Variants in ANO2 observed in about 807,000 individuals in gnomAD.
ANO2 encodes anoctamin 2, also known as anoctamin-2.
ANO2 carries 101 observed loss-of-function variants against 124.2 expected under a neutral mutation model. The ratio of observed to expected loss-of-function variants is 0.81; its 90% CI spans 0.69 to 0.96. The LOEUF (loss-of-function observed/expected upper bound fraction) is 0.96, where lower values mean the gene tolerates loss of function less well. Ranked by LOEUF, ANO2 falls within the 40% of genes least tolerant of loss-of-function variation. ANO2 has a pLI of 0.00. For missense variants in ANO2, 1,293 were observed against 1,274.5 expected (o/e 1.01, Z -0.22); for synonymous variants, 486 against 482.5 (o/e 1.01, Z -0.09).
At chr12:5,815,455 T>A (rs1953576082) in intron 7 of ANO2, among the ~76,000 whole-genome samples, 1 of 152,178 alleles carries the variant, frequency 6.6e-6, no homozygotes, top group African/African-American at 2.4e-5. Context: ...CATACGCCTT[T>A]ATGTGGAGAA....
chr12:5,780,543 C>G (rs1196736017), intron 10 of ANO2, among the ~76,000 whole-genome samples: 2 of 152,220 alleles, frequency 1.3e-5, no homozygotes, highest in Non-Finnish European at 2.9e-5. Flanking sequence ...CACATCCTAG[C>G]TCTTAACACA....
At chr12:5,595,002 A>G (rs10849300) in intron 20 of ANO2, among the ~76,000 whole-genome samples, 44,695 of 152,132 alleles carry the variant, frequency 0.29, 6,722 homozygotes, top group Non-Finnish European at 0.33. Context: ...TCCCACTTAC[A>G]GCTGGAAACC....
intron 1 of ANO2, among the ~76,000 whole-genome samples, chr12:5,930,399 A>G (rs890246567): frequency 6.6e-6 from 1 of 152,094 alleles, no homozygotes; most frequent in African/African-American, 2.4e-5. Context: ...TAATGGGGGT[A>G]TAGGGGGAAG....
chr12:5,907,884 G>A (rs1940802842), intron 3 of ANO2, among the ~76,000 whole-genome samples: 1 of 152,202 alleles, frequency 6.6e-6, no homozygotes, highest in Non-Finnish European at 1.5e-5. Context: ...AGCCCAGTGG[G>A]GAAGGCAGCT....
intron 20 of ANO2, among the ~76,000 whole-genome samples, chr12:5,587,310 T>C (rs1000614578): frequency 1.3e-5 from 2 of 152,242 alleles, no homozygotes; most frequent in Non-Finnish European, 2.9e-5. Context: ...CATTTATTTA[T>C]CTGAATGAAA....
chr12:5,812,078 G>A lies in ANO2; in HGVS notation c.893-4710C>T, dbSNP rs545077365. On this transcript the variant is annotated intron_variant, in intron 7 of 24. Coordinates refer to ENST00000682330, the MANE Select transcript of ANO2 (RefSeq NM_001364791.2). ...TAAGGGAGGGGAGGGGAGAAGAGGG[G>A]AGAGGAAGGGATGGGAGGGGAGGGG... Among the ~76,000 whole-genome samples the A allele has an allele frequency of 3.3e-4, 45 of 138,402 alleles. 1 individual carries two copies. The highest frequency in any genetic ancestry group is 1.1e-3 in the African/African-American group (40 of 37,794). The allele number at this position is 138,402 out of a possible 152,430, so 90.8% of individuals were successfully genotyped here. A position where few individuals can be genotyped will look rare whatever the true frequency, so the allele number is the denominator to read the frequency against.
intron 11 of ANO2, among the ~76,000 whole-genome samples, chr12:5,745,569 G>A (rs1951241460): frequency 2.6e-5 from 4 of 152,200 alleles, no homozygotes; most frequent in African/African-American, 7.2e-5. Flanking sequence ...GGATGCCTGG[G>A]TCTCTTTCCC....
chr12:5,713,976 G>C (rs567296525), intron 14 of ANO2, among the ~76,000 whole-genome samples: 11 of 152,290 alleles, frequency 7.2e-5, no homozygotes, highest in Admixed American at 2.0e-4. Flanking sequence ...GACAGAAGGA[G>C]AGATGTTAAA....
At chr12:5,644,451 C>T (rs1006155297) in intron 15 of ANO2, among the ~76,000 whole-genome samples, 26 of 151,576 alleles carry the variant, frequency 1.7e-4, no homozygotes, top group Admixed American at 1.7e-3. Context: ...CTATTCTTAG[C>T]CTTTGTGCTT....
chr12:5,675,268 G>C (rs960949644), intron 14 of ANO2, among the ~76,000 whole-genome samples: 2 of 152,188 alleles, frequency 1.3e-5, no homozygotes, highest in Admixed American at 1.3e-4. Flanking sequence ...TCTTCCAAGA[G>C]TTTTCTGCCA....
chr12:5,628,069 C>A (rs1203911268), intron 16 of ANO2, among the ~76,000 whole-genome samples: 1 of 152,198 alleles, frequency 6.6e-6, no homozygotes, highest in East Asian at 1.9e-4. Context: ...CGCTGCACCC[C>A]AGTCGGGGCA....
At chr12:5,754,718 T>C (rs1406800049) in intron 10 of ANO2, among the ~76,000 whole-genome samples, 1 of 152,184 alleles carries the variant, frequency 6.6e-6, no homozygotes. Flanking sequence ...ATTGTCCAAT[T>C]TGTTGGTGTA....
At chr12:5,610,983 T>TTTTTTTTGTTTTTTTTTTTG (rs1555100751) in intron 19 of ANO2, among the ~76,000 whole-genome samples, 1 of 121,658 alleles carries the variant, frequency 8.2e-6, no homozygotes, top group African/African-American at 3.1e-5. Flanking sequence ...TTTTTTTTTT[T>TTTTTTTTGTTTTTTTTTTTG]TTTTTTGAGA....
At chr12:5,789,893 T>C (rs1952647604) in intron 10 of ANO2, among the ~76,000 whole-genome samples, 2 of 152,232 alleles carry the variant, frequency 1.3e-5, no homozygotes, top group African/African-American at 4.8e-5. Flanking sequence ...TTATGTTGGT[T>C]ACATAGCCAT....
At chr12:5,683,854 G>A (rs1467900979) in intron 14 of ANO2, among the ~76,000 whole-genome samples, 1 of 152,060 alleles carries the variant, frequency 6.6e-6, no homozygotes, top group Non-Finnish European at 1.5e-5. Context: ...GGAGCAGTGA[G>A]CACACTGGGC....
intron 1 of ANO2, among the ~76,000 whole-genome samples, chr12:5,942,159 C>A (rs1942922174): frequency 6.6e-6 from 1 of 152,204 alleles, no homozygotes. Flanking sequence ...AAATAGACTA[C>A]TAGCCATTGA....
intron 13 of ANO2, among the ~76,000 whole-genome samples, chr12:5,734,968 A>G (rs1162385803): frequency 6.6e-6 from 1 of 152,142 alleles, no homozygotes; most frequent in African/African-American, 2.4e-5. Flanking sequence ...TAACTTTTTA[A>G]AGCAAGCCTA....
chr12:5,817,405 T>A (rs1953644703), intron 7 of ANO2, among the ~76,000 whole-genome samples: 1 of 152,140 alleles, frequency 6.6e-6, no homozygotes, highest in African/African-American at 2.4e-5. Context: ...GTAGAATGTG[T>A]GAGACACGCA....
At chr12:5,739,596 T>TACACAAAC (rs1555153135) in intron 12 of ANO2, among the ~76,000 whole-genome samples, 197 bp from the exon 13 acceptor site, 2 of 145,082 alleles carry the variant, frequency 1.4e-5, no homozygotes, top group South Asian at 4.7e-4. Flanking sequence ...ATAGATATGT[T>TACACAAAC]ACACACACAC....
Sources: gnomAD v4.1 joint callset for allele counts (sites outside exome capture counted in the v4.1 genomes callset) on GRCh38, gnomAD v4.1.1 for gene constraint, MANE v1.5 for transcripts, NCBI Gene and HGNC (gene_info 2026-07-23, HGNC 2026-07-21) for gene names.